The following GCNT4 variants were observed in gnomAD, a reference collection of about 807,000 sequenced individuals.
GCNT4 encodes glucosaminyl (N-acetyl) transferase 4.
In GCNT4, 17 loss-of-function variants were observed where a neutral mutation model predicts 31.3. That is an observed-to-expected ratio of 0.54 (90% CI 0.37 to 0.81). The LOEUF (loss-of-function observed/expected upper bound fraction) is 0.81. Ranked by LOEUF, GCNT4 falls within the 40% of genes least tolerant of loss-of-function variation. The probability of loss-of-function intolerance (pLI) is 0.00; values close to 1 mark genes in which losing one functional copy is unlikely to be tolerated. For missense variants in GCNT4, 503 were observed against 525.5 expected, an observed-to-expected ratio of 0.96 and a Z score of 0.42; for synonymous variants, 158 against 190.6, an observed-to-expected ratio of 0.83 and a Z score of 1.41.
intron 3 of GCNT4, among the ~76,000 whole-genome samples, chr5:75,043,836 A>G (rs1743375664): frequency 1.3e-5 from 2 of 152,244 alleles, no homozygotes; most frequent in Admixed American, 1.3e-4. Flanking sequence ...TTTAAACCAG[A>G]TTAAAGTGGC....
At chr5:75,017,169 A>G in the GCNT4 span, among the ~76,000 whole-genome samples, 1 of 152,176 alleles carries the variant, frequency 6.6e-6, no homozygotes, top group Non-Finnish European at 1.5e-5. Flanking sequence ...GCTGAACTGC[A>G]TGCTTGCTCA....
downstream of GCNT4, among the ~76,000 whole-genome samples, chr5:75,024,950 CA>C (rs1239662355): frequency 0.056 from 2,255 of 40,548 alleles, 12 homozygotes; most frequent in African/African-American, 0.15. Context: ...GACTCCATCT[CA>C]AAAAAAAAAA....
rs766851851 is a variant in GCNT4, at chr5:75,029,283, A to C, written c.755T>G (p.Leu252Trp). 1 of 1,614,160 alleles carries C rather than the reference A, an allele frequency of 6.2e-7. No homozygotes were observed. ...ELKKLNGANM[L>W]ETVKPPNSKL... Reference sequence around the variant, plus strand: ...ACTGTTTGGGGGTTTCACCGTCTCCAACATATTTGCTCCATTGAGTTTTTT... The same window carrying C: ...ACTGTTTGGGGGTTTCACCGTCTCCCACATATTTGCTCCATTGAGTTTTTT... Residue 252 changes from leucine (L) to tryptophan (W), a missense_variant, in exon 4 of 4, where the codon TTG becomes TGG. Transcript: ENST00000652361.
At chr5:75,033,600 C>T (rs1743124883) in intron 3 of GCNT4, among the ~76,000 whole-genome samples, 1 of 152,078 alleles carries the variant, frequency 6.6e-6, no homozygotes, top group Non-Finnish European at 1.5e-5. Context: ...CAATATTACC[C>T]TGTCCCAAAT....
chr5:75,051,661 G>A (rs1743571415), intron 2 of GCNT4, among the ~76,000 whole-genome samples: 1 of 152,186 alleles, frequency 6.6e-6, no homozygotes, highest in Non-Finnish European at 1.5e-5. Flanking sequence ...TTTATGGCCT[G>A]CTTATCTTGA....
intron 3 of GCNT4, chr5:75,030,733 G>A (rs1466815714): frequency 6.0e-6 from 1 of 167,034 alleles, no homozygotes; most frequent in African/African-American, 2.4e-5. Context: ...AGTAGGTGGG[G>A]TGTAAAAACT....
the GCNT4 span, among the ~76,000 whole-genome samples, chr5:75,019,937 A>T: frequency 2.0e-5 from 3 of 152,214 alleles, no homozygotes; most frequent in Non-Finnish European, 4.4e-5. Context: ...AAAGACACAT[A>T]TGATACAGTT....
At position 75,028,526 on chromosome 5, in the gene GCNT4, G is replaced by T; in HGVS notation, c.*150C>A. On this transcript the variant is annotated 3_prime_UTR_variant, in exon 4 of 4. Transcript: ENST00000652361. ...CAACTGCAGGCTAATAACATCAAAG[G>T]CTAGATCACTTTCCCTTGTGTATGG... 2.8e-6 allele frequency: 2 copies of T among 713,640 alleles called. No homozygotes were observed. The highest frequency in any genetic ancestry group is 4.5e-6 in the Non-Finnish European group (2 of 448,900). 44.2% of individuals were successfully genotyped at this position (713,640 alleles called of 1,614,324 possible).
intron 3 of GCNT4, among the ~76,000 whole-genome samples, chr5:75,041,739 A>G (rs1743326195): frequency 6.6e-6 from 1 of 152,214 alleles, no homozygotes; most frequent in Admixed American, 6.5e-5. Context: ...GGTCACACCA[A>G]TTGGGAAACA....
intron 3 of GCNT4, chr5:75,031,038 T>G (rs780855343): frequency 6.2e-6 from 1 of 161,098 alleles, no homozygotes; most frequent in Non-Finnish European, 1.5e-5. Context: ...TGCTTACATG[T>G]CTATACATAC....
At chr5:75,048,749 G>GA (rs973045849) in intron 2 of GCNT4, among the ~76,000 whole-genome samples, 1 of 152,172 alleles carries the variant, frequency 6.6e-6, no homozygotes, top group African/African-American at 2.4e-5. Flanking sequence ...GACACCCTGA[G>GA]AAATGAGTTC....
intron 3 of GCNT4, among the ~76,000 whole-genome samples, chr5:75,039,892 T>C (rs770713874): frequency 7.2e-5 from 11 of 152,326 alleles, no homozygotes; most frequent in South Asian, 2.1e-4. Context: ...AAACCCTTCA[T>C]TGGGATTTCA....
At chr5:75,018,232 ATGT>A in the GCNT4 span, among the ~76,000 whole-genome samples, 1 of 152,108 alleles carries the variant, frequency 6.6e-6, no homozygotes, top group African/African-American at 2.4e-5. Context: ...CTCAGCATAG[ATGT>A]TGTGCCTGCT....
the GCNT4 span, among the ~76,000 whole-genome samples, chr5:75,020,276 C>T: frequency 7.5e-3 from 1,147 of 152,252 alleles, 10 homozygotes; most frequent in Non-Finnish European, 0.012. Context: ...TGGCATGGCA[C>T]GGCACGGCAT....
In GCNT4 at chr5:75,029,219, C is replaced by T; in HGVS notation, c.819G>A (p.Arg273=). The T allele has an allele frequency of 6.2e-7, 1 of 1,613,960 alleles. No individual in the cohort carries two copies. The highest frequency in any genetic ancestry group is 8.5e-7 in the Non-Finnish European group (1 of 1,180,006). The change falls in exon 4 of 4, where the codon CGG becomes CGA. Residue 273 remains arginine, a synonymous_variant. Transcript: ENST00000652361. ...GTAGCTTCACATATTCATAAGGCAC[C>T]CGTCTAAGTTCATGATGGTAAGTGA... ...ERFTYHHELR[R]VPYEYVKLPI...
At chr5:75,049,578 T>C (rs1292633388) in intron 2 of GCNT4, among the ~76,000 whole-genome samples, 1 of 152,238 alleles carries the variant, frequency 6.6e-6, no homozygotes, top group Non-Finnish European at 1.5e-5. Flanking sequence ...TGGGAATGCA[T>C]ATAAATGACA....
the GCNT4 span, among the ~76,000 whole-genome samples, chr5:75,019,876 A>C: frequency 1.3e-5 from 2 of 152,248 alleles, no homozygotes; most frequent in African/African-American, 2.4e-5. Context: ...ATTTTCACTA[A>C]ATTAATGTGT....
At chr5:75,041,139 CA>C (rs1230419995) in intron 3 of GCNT4, among the ~76,000 whole-genome samples, 1 of 152,206 alleles carries the variant, frequency 6.6e-6, no homozygotes, top group Non-Finnish European at 1.5e-5. Flanking sequence ...CCAGGTATTG[CA>C]AAAATGCAAT....
At chr5:75,041,669 T>C (rs1452247695) in intron 3 of GCNT4, among the ~76,000 whole-genome samples, 1 of 152,178 alleles carries the variant, frequency 6.6e-6, no homozygotes, top group Non-Finnish European at 1.5e-5. Context: ...ATTGGAAATC[T>C]GGGCTGTAGC....
Sources: gnomAD v4.1 joint callset for allele counts (sites outside exome capture counted in the v4.1 genomes callset) on GRCh38, gnomAD v4.1.1 for gene constraint, MANE v1.5 for transcripts, NCBI Gene and HGNC (gene_info 2026-07-23, HGNC 2026-07-21) for gene names.